The following DLG2 variants were observed in gnomAD, a reference collection of about 807,000 sequenced individuals.
DLG2 encodes discs large MAGUK scaffold protein 2.
A neutral mutation model predicts 132.5 loss-of-function variants in DLG2; 45 were observed. The observed-to-expected ratio is 0.34, with a 90% CI of 0.27 to 0.44. The LOEUF (loss-of-function observed/expected upper bound fraction) is 0.44. DLG2 is among the 20% of genes least tolerant of loss of function. The pLI is 1.00. For synonymous variants in DLG2, 424 were observed against 419.6 expected, an observed-to-expected ratio of 1.01 and a Z score of -0.13; for missense variants, 1,045 against 1,196.9, an observed-to-expected ratio of 0.87 and a Z score of 1.87.
chr11:84,569,598 AT>A (rs1375824979), intron 6 of DLG2, among the ~76,000 whole-genome samples: 2 of 152,208 alleles, frequency 1.3e-5, no homozygotes, highest in African/African-American at 4.8e-5. Flanking sequence ...AAACTGAAAA[AT>A]TCATTATAAA....
intron 26 of DLG2, among the ~76,000 whole-genome samples, chr11:83,463,691 T>A (rs980986384): frequency 6.6e-6 from 1 of 152,114 alleles, no homozygotes; most frequent in African/African-American, 2.4e-5. Context: ...CTTGGGAGGC[T>A]GAGGTGGGAA....
intron 18 of DLG2, among the ~76,000 whole-genome samples, chr11:83,730,146 GTT>G (rs541441004): frequency 1.8e-3 from 204 of 110,956 alleles, no homozygotes; most frequent in South Asian, 8.5e-3. Context: ...TTTTTTTATG[GTT>G]TTTTTTTTTT....
intron 16 of DLG2, among the ~76,000 whole-genome samples, chr11:83,845,887 T>C (rs185084006): frequency 1.3e-5 from 2 of 152,294 alleles, no homozygotes; most frequent in African/African-American, 4.8e-5. Flanking sequence ...TTTTCTGGCA[T>C]TGTGAAGATG....
chr11:85,265,365 A>AT (rs2077153670), intron 4 of DLG2, among the ~76,000 whole-genome samples: 1 of 152,166 alleles, frequency 6.6e-6, no homozygotes, highest in South Asian at 2.1e-4. Context: ...ATAAAGGCAA[A>AT]TTTTTTTATA....
chr11:83,748,928 C>CT (rs2153732142), intron 18 of DLG2, among the ~76,000 whole-genome samples: 2 of 152,284 alleles, frequency 1.3e-5, no homozygotes, highest in Middle Eastern at 6.8e-3. Context: ...TTTCCGTACT[C>CT]TTTTAAAAGA....
intron 18 of DLG2, among the ~76,000 whole-genome samples, chr11:83,687,137 A>T (rs1334880090): frequency 6.6e-6 from 1 of 152,206 alleles, no homozygotes; most frequent in African/African-American, 2.4e-5. Flanking sequence ...GTGCCTTCGC[A>T]GGAAGAATGG....
chr11:83,748,130 C>T (rs900845154), intron 18 of DLG2, among the ~76,000 whole-genome samples: 1 of 152,152 alleles, frequency 6.6e-6, no homozygotes, highest in South Asian at 2.1e-4. Context: ...TGTACTCTGT[C>T]AAGGTTTGAA....
intron 7 of DLG2, among the ~76,000 whole-genome samples, chr11:84,407,044 A>G (rs574180947): frequency 1.4e-4 from 21 of 152,110 alleles, no homozygotes; most frequent in Admixed American, 9.2e-4. Context: ...TCATTAACCT[A>G]TTATTCAAGC....
chr11:85,235,914 A>T (rs1452570875), intron 4 of DLG2, among the ~76,000 whole-genome samples: 1 of 151,814 alleles, frequency 6.6e-6, no homozygotes, highest in African/African-American at 2.4e-5. Context: ...TCCTGTAGGC[A>T]ATGTGTAGAA....
At chr11:85,124,415 T>C (rs1439087863) in intron 5 of DLG2, among the ~76,000 whole-genome samples, 2 of 152,252 alleles carry the variant, frequency 1.3e-5, no homozygotes, top group Admixed American at 6.5e-5. Flanking sequence ...ATCCTTTCCA[T>C]GTATAGAGTA....
chr11:83,828,894 A>G (rs1196953172), intron 17 of DLG2, among the ~76,000 whole-genome samples: 1 of 152,126 alleles, frequency 6.6e-6, no homozygotes, highest in Non-Finnish European at 1.5e-5. Context: ...ATGTGTTTAT[A>G]TACATATACA....
intron 6 of DLG2, among the ~76,000 whole-genome samples, chr11:85,104,672 T>C (rs2071407228): frequency 1.3e-5 from 2 of 151,868 alleles, no homozygotes; most frequent in South Asian, 4.2e-4. Context: ...GAACTAACAT[T>C]CATTGAATTG....
chr11:84,974,322 A>T (rs1426918921), intron 6 of DLG2, among the ~76,000 whole-genome samples: 2 of 152,208 alleles, frequency 1.3e-5, no homozygotes, highest in African/African-American at 4.8e-5. Context: ...TGGTATTAAC[A>T]GTTAAGAATT....
chr11:83,756,908 T>C (rs1334594704), intron 18 of DLG2, among the ~76,000 whole-genome samples: 1 of 152,230 alleles, frequency 6.6e-6, no homozygotes, highest in Non-Finnish European at 1.5e-5. Context: ...GCATATACTA[T>C]GTGTCACATT....
chr11:83,726,748 AAAAC>A (rs60924473), intron 18 of DLG2, among the ~76,000 whole-genome samples: 24,125 of 150,224 alleles, frequency 0.16, 2,558 homozygotes, highest in African/African-American at 0.3. Flanking sequence ...GATCTGCCTG[AAAAC>A]AAACAAACAA....
chr11:83,553,483 CGTGT>C (rs71959561), intron 19 of DLG2, among the ~76,000 whole-genome samples: 33,758 of 143,790 alleles, frequency 0.23, 3,953 homozygotes, highest in African/African-American at 0.26. Context: ...AAGTAAGCAC[CGTGT>C]GTGTGTGTGT....
At chr11:84,276,520 A>G (rs1366815595) in intron 7 of DLG2, among the ~76,000 whole-genome samples, 2 of 152,202 alleles carry the variant, frequency 1.3e-5, no homozygotes, top group African/African-American at 4.8e-5. Flanking sequence ...AGATAAATGT[A>G]ATATTATGTC....
intron 10 of DLG2, among the ~76,000 whole-genome samples, chr11:84,080,992 C>CAAAAATAAAA (rs2096894317): frequency 7.3e-6 from 1 of 137,132 alleles, no homozygotes; most frequent in Non-Finnish European, 1.6e-5. Context: ...AACTCTGTCT[C>CAAAAATAAAA]AAAAAAAAAA....
intron 7 of DLG2, among the ~76,000 whole-genome samples, chr11:84,421,649 G>A (rs578166175): frequency 7.9e-5 from 12 of 152,116 alleles, no homozygotes; most frequent in Non-Finnish European, 1.6e-4. Context: ...CAGTGACACT[G>A]TTATTCCATC....
Sources: gnomAD v4.1 joint callset for allele counts (sites outside exome capture counted in the v4.1 genomes callset) on GRCh38, gnomAD v4.1.1 for gene constraint, MANE v1.5 for transcripts, NCBI Gene and HGNC (gene_info 2026-07-23, HGNC 2026-07-21) for gene names.